The following SNX8 variants were observed in gnomAD, a reference collection of about 807,000 sequenced individuals.
The protein encoded by SNX8 is sorting nexin-8.
A neutral mutation model predicts 51.6 loss-of-function variants in SNX8; 25 were observed. That is an observed-to-expected ratio of 0.48 (90% CI 0.35 to 0.68). SNX8 has a LOEUF of 0.68. Among genes scored for constraint, SNX8 ranks in the 30% least tolerant of loss-of-function variants. The pLI, the probability that SNX8 is intolerant of heterozygous loss-of-function variation, is 0.00. For missense variants in SNX8, 695 were observed against 624.0 expected (o/e 1.11, Z -1.21); for synonymous variants, 324 against 277.0 (o/e 1.17, Z -1.68).
chr7:2,293,891 G>A (rs978621673), intron 1 of SNX8, among the ~76,000 whole-genome samples: 15 of 151,390 alleles, frequency 9.9e-5, no homozygotes, highest in Middle Eastern at 3.4e-3. Flanking sequence ...ACTGGTACCC[G>A]GGAGGGGGAG....
chr7:2,351,525 T>C (rs1025941610), intron 1 of SNX8, among the ~76,000 whole-genome samples: 3 of 151,758 alleles, frequency 2.0e-5, no homozygotes. Context: ...GGTGACAGAG[T>C]GAGACCCTGT....
chr7:2,321,416 A>G (rs1778510258), intron 1 of SNX8, among the ~76,000 whole-genome samples: 2 of 152,050 alleles, frequency 1.3e-5, no homozygotes, highest in Non-Finnish European at 2.9e-5. Flanking sequence ...TGTAAAAAGA[A>G]AATGGAATTT....
chr7:2,334,230 C>G (rs1583119765), intron 1 of SNX8, among the ~76,000 whole-genome samples: 1 of 152,116 alleles, frequency 6.6e-6, no homozygotes, highest in East Asian at 1.9e-4. Flanking sequence ...GGTGAAACCC[C>G]GTCTCTACTA....
intron 3 of SNX8, among the ~76,000 whole-genome samples, chr7:2,273,067 C>T (rs1033865736): frequency 6.6e-6 from 1 of 152,080 alleles, no homozygotes; most frequent in Non-Finnish European, 1.5e-5. Context: ...CTCCTGACCT[C>T]AGGTGATCCG....
intron 1 of SNX8, among the ~76,000 whole-genome samples, chr7:2,345,959 C>T (rs996782492): frequency 6.6e-6 from 1 of 151,924 alleles, no homozygotes. Context: ...AGGCACCCAC[C>T]ACCACTCCCA....
At chr7:2,339,422 G>C (rs748987061) in intron 1 of SNX8, among the ~76,000 whole-genome samples, 4 of 151,030 alleles carry the variant, frequency 2.6e-5, no homozygotes, top group Non-Finnish European at 5.9e-5. Context: ...TGTTGGCCAA[G>C]ATGGTCTCGA....
At chr7:2,342,655 CAAA>C (rs766752321) in intron 1 of SNX8, among the ~76,000 whole-genome samples, 1 of 124,436 alleles carries the variant, frequency 8.0e-6, no homozygotes. Flanking sequence ...CTCCATCTCC[CAAA>C]AAAAAAAAAA....
intron 1 of SNX8, among the ~76,000 whole-genome samples, chr7:2,301,340 T>TTC (rs1796387944): frequency 1.3e-5 from 2 of 152,174 alleles, no homozygotes; most frequent in Admixed American, 1.3e-4. Flanking sequence ...CTCATGGGCA[T>TTC]ATGAATACAA....
At chr7:2,335,420 G>A (rs1778808773) in intron 1 of SNX8, among the ~76,000 whole-genome samples, 2 of 151,234 alleles carry the variant, frequency 1.3e-5, no homozygotes, top group Non-Finnish European at 2.9e-5. Context: ...AGGCCTAGGC[G>A]AGAACATTGC....
chr7:2,287,507 A>G (rs1417649874), intron 1 of SNX8, among the ~76,000 whole-genome samples: 2 of 151,516 alleles, frequency 1.3e-5, no homozygotes, highest in Non-Finnish European at 2.9e-5. Context: ...TGAACCTGGG[A>G]GGCAGAGGTT....
rs1215876425 is a variant in SNX8 at position 2,263,329 on chromosome 7, G to A, written c.816C>T (p.Ser272=). Residue 272 remains serine, a synonymous_variant, in exon 7 of 11, where the codon TCC becomes TCT. Coordinates refer to ENST00000222990, the MANE Select transcript of SNX8 (RefSeq NM_013321.4). ...ACGTGCTGCTATTCAGAGCGGCCCA[G>A]GAGGGCAGCGGGGTCGTGTCAGACC... ...AIGSDTTPLP[S]WAALNSSTWG... 1.9e-5 allele frequency: 30 copies of A among 1,612,160 alleles called. No individual in the cohort carries two copies. The highest frequency in any genetic ancestry group is 2.3e-5 in the Non-Finnish European group (27 of 1,179,302).
chr7:2,267,910 C>A (rs1246114907), intron 5 of SNX8, among the ~76,000 whole-genome samples: 1 of 107,962 alleles, frequency 9.3e-6, no homozygotes, highest in Non-Finnish European at 1.9e-5. Flanking sequence ...AAGTGAGGAG[C>A]GTCTCTGCCC....
chr7:2,255,538 G>A (rs1428598684), intron 10 of SNX8, among the ~76,000 whole-genome samples: 4 of 152,186 alleles, frequency 2.6e-5, no homozygotes, highest in African/African-American at 9.6e-5. Context: ...CAAACACCAA[G>A]GCCAGCCTGG....
At chr7:2,314,214 C>T (rs1796714541) in intron 1 of SNX8, 114 bp downstream of exon 1, 5 of 1,089,410 alleles carry the variant, frequency 4.6e-6, no homozygotes, top group Non-Finnish European at 4.6e-6. Context: ...GAACGCGGGG[C>T]GCGGGGGCAG....
intron 1 of SNX8, among the ~76,000 whole-genome samples, chr7:2,302,110 G>A (rs1243368596): frequency 6.6e-6 from 1 of 150,712 alleles, no homozygotes; most frequent in Admixed American, 6.6e-5. Context: ...TCTCCCGACG[G>A]TCTCCCTCTC....
intron 1 of SNX8, among the ~76,000 whole-genome samples, chr7:2,284,984 G>A (rs898612725): frequency 3.0e-4 from 46 of 151,982 alleles, no homozygotes; most frequent in African/African-American, 1.0e-3. Context: ...AGGCTGAGGT[G>A]GGCGGATCAC....
At chr7:2,331,154 C>A (rs951850764) in intron 1 of SNX8, among the ~76,000 whole-genome samples, 2 of 144,046 alleles carry the variant, frequency 1.4e-5, no homozygotes, top group African/African-American at 2.5e-5. Flanking sequence ...CTACTGCACT[C>A]CAGCCTGGCG....
At chr7:2,333,606 T>C (rs1778776679) in intron 1 of SNX8, among the ~76,000 whole-genome samples, 1 of 152,096 alleles carries the variant, frequency 6.6e-6, no homozygotes, top group Non-Finnish European at 1.5e-5. Flanking sequence ...GATAATGTGG[T>C]ATTGTCATAG....
intron 4 of SNX8, among the ~76,000 whole-genome samples, chr7:2,270,993 G>C (rs1281208766): frequency 2.6e-5 from 4 of 152,228 alleles, no homozygotes; most frequent in Admixed American, 1.3e-4. Context: ...GCCTTCCCTG[G>C]AGGGGCTGGC....
Sources: allele counts gnomAD v4.1 joint callset (sites outside exome capture counted in the v4.1 genomes callset), GRCh38; gene constraint gnomAD v4.1.1; transcripts MANE v1.5; gene names NCBI Gene and HGNC (gene_info 2026-07-23, HGNC 2026-07-21).